The following ZNF675 variants were observed in gnomAD, a reference collection of about 807,000 sequenced individuals.
The protein encoded by ZNF675 is TRAF6 inhibitory zinc finger.
A neutral mutation model predicts 56.1 loss-of-function variants in ZNF675; 36 were observed. That is an observed-to-expected ratio of 0.64 (90% CI 0.49 to 0.85). ZNF675 has a LOEUF of 0.85. ZNF675 is among the 40% of genes least tolerant of loss of function. The pLI, the probability that ZNF675 is intolerant of heterozygous loss-of-function variation, is 0.00. For synonymous variants in ZNF675, 200 were observed against 218.9 expected (o/e 0.91, Z 0.76); for missense variants, 663 against 654.2 (o/e 1.01, Z -0.15).
intron 1 of ZNF675, among the ~76,000 whole-genome samples, chr19:23,663,592 T>C (rs1968110483): frequency 2.0e-5 from 3 of 152,160 alleles, no homozygotes; most frequent in Admixed American, 1.3e-4. Context: ...CTCAGGAGGC[T>C]GAGGCAGGAG....
At chr19:23,658,110 C>T (rs1474662815) in intron 3 of ZNF675, among the ~76,000 whole-genome samples, 1 of 151,924 alleles carries the variant, frequency 6.6e-6, no homozygotes, top group East Asian at 1.9e-4. Context: ...GTCTGTAATC[C>T]CAGCACATTA....
intron 2 of ZNF675, among the ~76,000 whole-genome samples, chr19:23,662,772 G>T (rs957116597): frequency 1.3e-5 from 2 of 152,114 alleles, no homozygotes; most frequent in Non-Finnish European, 2.9e-5. Context: ...CTGAGGTCAC[G>T]AGTTCGAGAC....
At chr19:23,666,776 TTCTCTTTCTC>T (rs71165860) in intron 1 of ZNF675, among the ~76,000 whole-genome samples, 29,320 of 114,720 alleles carry the variant, frequency 0.26, 3,718 homozygotes, top group African/African-American at 0.37. Flanking sequence ...TTCTCTCTTT[TTCTCTTTCTC>T]TCTCTTTCTC....
intron 1 of ZNF675, among the ~76,000 whole-genome samples, chr19:23,670,860 A>T (rs1335586655): frequency 6.6e-6 from 1 of 152,110 alleles, no homozygotes; most frequent in East Asian, 1.9e-4. Flanking sequence ...AAAAAGAACA[A>T]ATCTTTTGAC....
chr19:23,686,274 T>G (rs1457188596), intron 1 of ZNF675: 1 of 152,190 alleles, frequency 6.6e-6, no homozygotes, highest in African/African-American at 2.4e-5. Context: ...TTTGATTAAA[T>G]TCTCCAATAT....
intron 1 of ZNF675, among the ~76,000 whole-genome samples, chr19:23,678,382 C>A (rs1345244301): frequency 6.7e-6 from 1 of 150,182 alleles, no homozygotes; most frequent in African/African-American, 2.5e-5. Flanking sequence ...ACCCAAGTAG[C>A]CGGATTACAG....
intron 3 of ZNF675, among the ~76,000 whole-genome samples, chr19:23,660,989 G>A (rs1968069445): frequency 1.3e-5 from 2 of 150,550 alleles, no homozygotes; most frequent in Non-Finnish European, 2.9e-5. Flanking sequence ...GAGTGCAGTG[G>A]CACAAACTTG....
intron 1 of ZNF675, among the ~76,000 whole-genome samples, chr19:23,669,342 C>T (rs549043861): frequency 6.6e-6 from 1 of 152,224 alleles, no homozygotes; most frequent in South Asian, 2.1e-4. Context: ...GTGACTTAAA[C>T]CTTCTTTTCT....
rs1339716089 is a variant in ZNF675, at chr19:23,654,476, A to G, written c.457T>C (p.Phe153Leu). ...MFQCDKYVKV[F>L]NKFSHSDRHK... ...CTATCTGAATGTGAAAATTTATTAA[A>G]GACTTTCACATATTTATCACATTGA... is the stretch of plus-strand genomic sequence containing the variant. The change falls in exon 4 of 4, where the codon TTT (phenylalanine) becomes CTT (leucine). Residue 153 changes from phenylalanine to leucine, a missense_variant. Transcript: ENST00000359788. 1 of 1,602,296 alleles carries G rather than the reference A, an allele frequency of 6.2e-7. No homozygotes were observed. The highest frequency in any genetic ancestry group is 2.2e-5 in the East Asian group (1 of 44,774).
chr19:23,668,829 C>A (rs1968191099), intron 1 of ZNF675, among the ~76,000 whole-genome samples: 1 of 152,160 alleles, frequency 6.6e-6, no homozygotes, highest in Non-Finnish European at 1.5e-5. Flanking sequence ...GAGTGCGAGG[C>A]CCGCCAAGCC....
chr19:23,666,111 T>C (rs1427554814), intron 1 of ZNF675, among the ~76,000 whole-genome samples: 7 of 152,220 alleles, frequency 4.6e-5, no homozygotes, highest in South Asian at 2.1e-4. Context: ...ACCGAATTCC[T>C]AGACCTAAAT....
intron 1 of ZNF675, among the ~76,000 whole-genome samples, chr19:23,679,994 C>G (rs981089776): frequency 6.9e-4 from 102 of 148,388 alleles, no homozygotes; most frequent in Non-Finnish European, 1.2e-3. Flanking sequence ...CCGTACCCCC[C>G]CCCAAAAAAA....
chr19:23,678,302 G>A (rs1047183634), intron 1 of ZNF675, among the ~76,000 whole-genome samples: 3 of 145,496 alleles, frequency 2.1e-5, no homozygotes, highest in Non-Finnish European at 3.0e-5. Context: ...TTGTCGCCTA[G>A]GCTGGAGTAC....
At chr19:23,660,833 T>TAATTCTA (rs1246725295) in intron 3 of ZNF675, among the ~76,000 whole-genome samples, 1 of 152,060 alleles carries the variant, frequency 6.6e-6, no homozygotes, top group Non-Finnish European at 1.5e-5. Flanking sequence ...ATAAAAAATA[T>TAATTCTA]AATTCTAAAA....
intron 3 of ZNF675, among the ~76,000 whole-genome samples, chr19:23,660,860 A>T (rs1968067034): frequency 6.6e-6 from 1 of 152,154 alleles, no homozygotes; most frequent in African/African-American, 2.4e-5. Context: ...TGAAACTATG[A>T]TACACTTTAA....
At chr19:23,669,652 T>C (rs1248213691) in intron 1 of ZNF675, among the ~76,000 whole-genome samples, 2 of 152,022 alleles carry the variant, frequency 1.3e-5, no homozygotes, top group Non-Finnish European at 2.9e-5. Context: ...GGCGGACAGA[T>C]CATAAGGTCA....
In ZNF675 at chr19:23,654,182, C is replaced by T. The variant is rs1248177532; in HGVS notation, c.751G>A (p.Ala251Thr). The change falls in exon 4 of 4, where the codon GCT (alanine) becomes ACT (threonine). Residue 251 changes from alanine (A) to threonine (T), a missense_variant. By Grantham distance (58) the Ala-to-Thr change is moderately conservative. This residue lies in a region of ZNF675 where 617 missense variants were observed against 590.5 expected (regional missense o/e 1.04). Coordinates refer to ENST00000359788, the MANE Select transcript of ZNF675 (RefSeq NM_138330.3). ...SNLTEYKKDY[A>T]REKPYKCEEC... ...TCACATTTGTATGGTTTCTCTCGAG[C>T]ATAATCTTTTTTATATTCAGTAAGG... 1 of 1,613,824 alleles carries T rather than the reference C, an allele frequency of 6.2e-7. No individual in the cohort carries two copies. Among genetic ancestry groups the T allele is most frequent in the African/African-American group, 1.3e-5 (1 of 74,912 alleles).
At chr19:23,660,023 T>C (rs1047846313) in intron 3 of ZNF675, among the ~76,000 whole-genome samples, 3 of 150,958 alleles carry the variant, frequency 2.0e-5, no homozygotes, top group African/African-American at 4.9e-5. Flanking sequence ...AGGCCCACCA[T>C]ATGCAGACCC....
chr19:23,662,350 A>T, intron 2 of ZNF675, 141 bp from the exon 3 acceptor site: 1 of 547,956 alleles, frequency 1.8e-6, no homozygotes. Context: ...GAAATTTTTA[A>T]ATACTTAGAA....
Sources: allele counts gnomAD v4.1 joint callset (sites outside exome capture counted in the v4.1 genomes callset), GRCh38; gene constraint gnomAD v4.1.1; regional missense constraint gnomAD v4.1.1; transcripts MANE v1.5; gene names NCBI Gene and HGNC (gene_info 2026-07-23, HGNC 2026-07-21).